TBC1D5: variants seen among roughly 807,000 people sequenced by gnomAD.
TBC1D5 encodes TBC1 domain family member 5, also known as TBC1 domain family, member 5.
TBC1D5 carries 75 observed loss-of-function variants against 100.3 expected under a neutral mutation model. The observed-to-expected ratio is 0.75, with a 90% CI of 0.62 to 0.91. TBC1D5 has a LOEUF of 0.91. Ranked by LOEUF, TBC1D5 falls within the 40% of genes least tolerant of loss-of-function variation. The probability of loss-of-function intolerance (pLI) is 0.00; values close to 1 mark genes in which losing one functional copy is unlikely to be tolerated. For missense variants in TBC1D5, 910 were observed against 942.4 expected, an observed-to-expected ratio of 0.97 and a Z score of 0.45; for synonymous variants, 323 against 325.6, an observed-to-expected ratio of 0.99 and a Z score of 0.09.
chr3:17,274,847 A>G (rs1387325580), intron 15 of TBC1D5, among the ~76,000 whole-genome samples: 1 of 152,188 alleles, frequency 6.6e-6, no homozygotes, highest in African/African-American at 2.4e-5. Context: ...AACAACTCCA[A>G]CTTTTAACAG....
chr3:17,298,153 TTTCA>T (rs1221473834), intron 14 of TBC1D5, among the ~76,000 whole-genome samples: 4 of 152,226 alleles, frequency 2.6e-5, no homozygotes, highest in African/African-American at 9.6e-5. Flanking sequence ...ATACACTTTA[TTTCA>T]TTGTGTTTTG....
intron 13 of TBC1D5, among the ~76,000 whole-genome samples, chr3:17,341,236 GC>G (rs2088853670): frequency 6.6e-6 from 1 of 151,588 alleles, no homozygotes; most frequent in African/African-American, 2.4e-5. Context: ...TCGCTCTGTC[GC>G]CCAGGCTGGA....
chr3:17,613,157 T>C (rs1228118448), intron 2 of TBC1D5, among the ~76,000 whole-genome samples: 1 of 152,186 alleles, frequency 6.6e-6, no homozygotes, highest in Non-Finnish European at 1.5e-5. Flanking sequence ...GTCCTTGAGA[T>C]AGTTTGCTGA....
intron 17 of TBC1D5, among the ~76,000 whole-genome samples, chr3:17,215,794 C>T (rs180752572): frequency 6.6e-6 from 1 of 152,224 alleles, no homozygotes; most frequent in Non-Finnish European, 1.5e-5. Flanking sequence ...GGAAGAAAAT[C>T]AAGTAGATAA....
At chr3:17,455,458 GTA>G (rs1168102713) in intron 3 of TBC1D5, among the ~76,000 whole-genome samples, 3 of 145,938 alleles carry the variant, frequency 2.1e-5, no homozygotes, top group South Asian at 2.1e-4. Context: ...ATATGTGTGT[GTA>G]TATATATGTG....
chr3:17,272,810 G>A (rs1366243405), intron 15 of TBC1D5, among the ~76,000 whole-genome samples: 17 of 152,120 alleles, frequency 1.1e-4, no homozygotes, highest in Non-Finnish European at 2.4e-4. Context: ...ATAATACTTC[G>A]TAATTTTCCA....
intron 9 of TBC1D5, among the ~76,000 whole-genome samples, chr3:17,380,038 A>ACT (rs1373846614): frequency 6.7e-4 from 50 of 74,922 alleles, no homozygotes; most frequent in African/African-American, 2.3e-3. Context: ...TACAGCTGTG[A>ACT]CTGTGTATGT....
At chr3:17,584,027 A>C (rs1041966283) in intron 2 of TBC1D5, among the ~76,000 whole-genome samples, 5 of 152,244 alleles carry the variant, frequency 3.3e-5, no homozygotes, top group African/African-American at 1.2e-4. Context: ...AAGTAATAAT[A>C]AGTGCTACAA....
At chr3:17,416,872 C>A (rs776422291) in intron 4 of TBC1D5, among the ~76,000 whole-genome samples, 66 of 152,172 alleles carry the variant, frequency 4.3e-4, no homozygotes, top group Non-Finnish European at 6.9e-4. Context: ...AGAACTAGAC[C>A]CAAGATTTGG....
chr3:17,422,753 T>C (rs994223067), intron 4 of TBC1D5, among the ~76,000 whole-genome samples: 7 of 152,206 alleles, frequency 4.6e-5, no homozygotes, highest in East Asian at 1.9e-4. Flanking sequence ...TCCAAAATTA[T>C]TGATTATATG....
chr3:17,325,268 TAA>T (rs35243838), intron 13 of TBC1D5, among the ~76,000 whole-genome samples: 167 of 127,744 alleles, frequency 1.3e-3, no homozygotes, highest in Admixed American at 2.6e-3. Context: ...AGTACTCAGT[TAA>T]AAAAAAAAAA....
At chr3:17,328,255 G>A (rs1035384295) in intron 13 of TBC1D5, among the ~76,000 whole-genome samples, 12 of 151,142 alleles carry the variant, frequency 7.9e-5, no homozygotes, top group Admixed American at 1.3e-4. Context: ...GAGTGACAGA[G>A]GAGACCCTGT....
intron 13 of TBC1D5, among the ~76,000 whole-genome samples, chr3:17,315,211 A>G (rs1383791168): frequency 6.6e-6 from 1 of 152,260 alleles, no homozygotes; most frequent in African/African-American, 2.4e-5. Flanking sequence ...CACACATTTA[A>G]TGACTGGGAC....
chr3:17,392,250 A>C (rs2093371712), intron 8 of TBC1D5, among the ~76,000 whole-genome samples: 1 of 152,040 alleles, frequency 6.6e-6, no homozygotes, highest in African/African-American at 2.4e-5. Context: ...ATAAAATTGA[A>C]TTTACTAAGT....
chr3:17,404,319 G>A (rs535798630), intron 7 of TBC1D5, among the ~76,000 whole-genome samples: 10 of 152,012 alleles, frequency 6.6e-5, no homozygotes, highest in Admixed American at 2.6e-4. Flanking sequence ...TTCTTCCTGC[G>A]AGTTAGCCCT....
chr3:17,214,454 T>A, intron 17 of TBC1D5, 84 bp from the exon 19 acceptor site: 1 of 1,382,530 alleles, frequency 7.2e-7, no homozygotes, highest in Middle Eastern at 2.0e-4. Context: ...TAAATGATGA[T>A]CAATTATGAT....
intron 2 of TBC1D5, among the ~76,000 whole-genome samples, chr3:17,593,985 C>T (rs2060403974): frequency 1.3e-5 from 2 of 152,152 alleles, no homozygotes; most frequent in Admixed American, 1.3e-4. Context: ...ACCAATCACC[C>T]CTAGTGATCC....
chr3:17,557,436 C>T (rs2096529425), intron 2 of TBC1D5, among the ~76,000 whole-genome samples: 3 of 152,224 alleles, frequency 2.0e-5, no homozygotes, highest in Admixed American at 6.5e-5. Context: ...TAAAGTTTAA[C>T]AATGCAATTG....
chr3:17,542,520 T>A (rs1343173262), intron 2 of TBC1D5, among the ~76,000 whole-genome samples: 28 of 152,308 alleles, frequency 1.8e-4, no homozygotes. Flanking sequence ...CAAAATATCT[T>A]ATCATATATA....
Sources: allele counts gnomAD v4.1 joint callset (sites outside exome capture counted in the v4.1 genomes callset), GRCh38; gene constraint gnomAD v4.1.1; transcripts MANE v1.5; gene names NCBI Gene and HGNC (gene_info 2026-07-23, HGNC 2026-07-21).